The following GPC6 variants were observed in gnomAD, a reference collection of about 807,000 sequenced individuals.
GPC6 encodes glypican-6.
A neutral mutation model predicts 55.2 loss-of-function variants in GPC6; 14 were observed. That is an observed-to-expected ratio of 0.25 (90% CI 0.17 to 0.40). The LOEUF (loss-of-function observed/expected upper bound fraction) is 0.40. GPC6 is among the 10% of genes least tolerant of loss of function. The probability of loss-of-function intolerance (pLI) is 1.00; values close to 1 mark genes in which losing one functional copy is unlikely to be tolerated. For missense variants in GPC6, 641 were observed against 708.5 expected, an observed-to-expected ratio of 0.90 and a Z score of 1.08; for synonymous variants, 278 against 259.6, an observed-to-expected ratio of 1.07 and a Z score of -0.68.
intron 3 of GPC6, among the ~76,000 whole-genome samples, chr13:93,872,850 A>G (rs1318856267): frequency 1.3e-5 from 2 of 152,096 alleles, no homozygotes; most frequent in African/African-American, 4.8e-5. Context: ...TGTTTCCAGA[A>G]TGTCTTCTTA....
At chr13:93,280,579 G>T (rs981039607) in intron 1 of GPC6, among the ~76,000 whole-genome samples, 1 of 152,268 alleles carries the variant, frequency 6.6e-6, no homozygotes, top group African/African-American at 2.4e-5. Context: ...TTGAAGCATG[G>T]TGTTTTCACA....
In GPC6 at chr13:94,082,280, C is replaced by G. The variant is rs772678020; in HGVS notation, c.877+54386C>G. On this transcript the variant is annotated intron_variant, in intron 4 of 8. Transcript: ENST00000377047. The stretch of plus-strand genomic sequence containing the variant: ...CCAAGCCCTCTGTGTCTACTCAAAA[C>G]CACAATTAAGACTTCCTACCTGGGT... Among the ~76,000 whole-genome samples the G allele has an allele frequency of 4.6e-5, 7 of 152,146 alleles. No individual in the cohort carries two copies. In the South Asian group the frequency reaches 6.2e-4, roughly 14 times the overall value.
chr13:93,227,670 C>G lies in GPC6; in HGVS notation c.160+54C>G. On this transcript the variant is annotated intron_variant, in intron 1 of 8. Coordinates refer to ENST00000377047, the MANE Select transcript of GPC6 (RefSeq NM_005708.5). This position sits in a 1 kb window ranked among gnomAD's most constrained non-coding sequence, Gnocchi z 4.3. ...CTGCAGCCCTCGGCTGCCGCACGTC[C>G]CACTGGCCGCCCGGCGTCCCCTTCC... 1 of 1,418,018 alleles carries G rather than the reference C, an allele frequency of 7.1e-7. No homozygotes were observed. The highest frequency in any genetic ancestry group is 1.2e-5 in the South Asian group (1 of 83,162). 87.8% of individuals were successfully genotyped at this position (1,418,018 alleles called of 1,614,324 possible). A position where few individuals can be genotyped will look rare whatever the true frequency, so the allele number is the denominator to read the frequency against.
chr13:94,272,567 C>G (rs1566619946), intron 4 of GPC6, among the ~76,000 whole-genome samples: 1 of 146,118 alleles, frequency 6.8e-6, no homozygotes, highest in Non-Finnish European at 1.5e-5. Context: ...CTCCCAGGTT[C>G]ATGCCATTCT....
intron 3 of GPC6, among the ~76,000 whole-genome samples, chr13:93,874,012 C>T (rs1230740394): frequency 6.6e-6 from 1 of 151,940 alleles, no homozygotes; most frequent in Non-Finnish European, 1.5e-5. Context: ...CTCCCTGCAG[C>T]CTTTCTTACA....
At chr13:93,908,737 C>G (rs535818541) in intron 3 of GPC6, among the ~76,000 whole-genome samples, 1 of 152,128 alleles carries the variant, frequency 6.6e-6, no homozygotes, top group South Asian at 2.1e-4. Context: ...CTTTATTCCT[C>G]CATTTCTTTC....
At chr13:93,710,956 G>A (rs183410073) in intron 2 of GPC6, among the ~76,000 whole-genome samples, 70 of 151,816 alleles carry the variant, frequency 4.6e-4, no homozygotes, top group Non-Finnish European at 9.0e-4. Context: ...TTACTTATTA[G>A]AAGACTGAAA....
At chr13:94,122,842 C>A in intron 4 of GPC6, among the ~76,000 whole-genome samples, 1 of 152,072 alleles carries the variant, frequency 6.6e-6, no homozygotes, top group East Asian at 1.9e-4. Flanking sequence ...TACTTACTCA[C>A]TTTGTGTGTT....
intron 6 of GPC6, among the ~76,000 whole-genome samples, chr13:94,314,441 A>T (rs971880760): frequency 6.6e-6 from 1 of 152,242 alleles, no homozygotes; most frequent in Non-Finnish European, 1.5e-5. Flanking sequence ...GTTGTCAGTT[A>T]TGAACCAGTC....
intron 3 of GPC6, among the ~76,000 whole-genome samples, chr13:93,837,871 G>A (rs1166099146): frequency 6.6e-6 from 1 of 152,104 alleles, no homozygotes; most frequent in Non-Finnish European, 1.5e-5. Context: ...TTAGGCAGAG[G>A]CAGTAACAGA....
At chr13:93,760,512 G>A (rs1884921959) in intron 2 of GPC6, among the ~76,000 whole-genome samples, 1 of 152,130 alleles carries the variant, frequency 6.6e-6, no homozygotes, top group Admixed American at 6.6e-5. Context: ...AGCTCGGAGG[G>A]CATCCAGAGC....
chr13:93,907,577 G>T (rs1490520542), intron 3 of GPC6, among the ~76,000 whole-genome samples: 1 of 152,012 alleles, frequency 6.6e-6, no homozygotes, highest in Non-Finnish European at 1.5e-5. Context: ...ATAATACTTG[G>T]ATACTACTAA....
intron 2 of GPC6, among the ~76,000 whole-genome samples, chr13:93,600,949 C>CAAAAA (rs1196219049): frequency 1.1e-4 from 3 of 27,014 alleles, no homozygotes. Context: ...AATTCCGCCT[C>CAAAAA]AAAAAAAAAA....
intron 6 of GPC6, 82 bp downstream of exon 6, chr13:94,306,205 A>G: frequency 6.7e-7 from 1 of 1,483,200 alleles, no homozygotes; most frequent in Non-Finnish European, 9.4e-7. Flanking sequence ...AGATTCTGGA[A>G]AAGTTTGTTA....
At chr13:93,239,403 G>A (rs758755258) in intron 1 of GPC6, among the ~76,000 whole-genome samples, 22 of 151,574 alleles carry the variant, frequency 1.5e-4, no homozygotes, top group Admixed American at 3.3e-4. Context: ...CATGAAAATG[G>A]AGACATTACA....
intron 2 of GPC6, among the ~76,000 whole-genome samples, chr13:93,582,086 A>G (rs1876963392): frequency 2.6e-5 from 4 of 152,218 alleles, no homozygotes. Flanking sequence ...AAACTTAAAA[A>G]CTAAATTTTT....
At chr13:94,221,278 C>T (rs1179168840) in intron 4 of GPC6, among the ~76,000 whole-genome samples, 1 of 152,060 alleles carries the variant, frequency 6.6e-6, no homozygotes, top group Non-Finnish European at 1.5e-5. Context: ...AGATTGATTC[C>T]TGAATATTTT....
chr13:94,187,212 A>G (rs1011290407), intron 4 of GPC6: 4 of 152,208 alleles, frequency 2.6e-5, no homozygotes, highest in Non-Finnish European at 5.9e-5. Flanking sequence ...TTGGAGCAAA[A>G]TGAACACTTA....
intron 4 of GPC6, among the ~76,000 whole-genome samples, chr13:94,211,011 G>C (rs926351256): frequency 6.6e-6 from 1 of 152,084 alleles, no homozygotes; most frequent in African/African-American, 2.4e-5. Context: ...TGGGAGTGTT[G>C]GTCTACTGTA....
Sources: gnomAD v4.1 joint callset for allele counts (sites outside exome capture counted in the v4.1 genomes callset) on GRCh38, gnomAD v4.1.1 for gene constraint, Gnocchi (gnomAD v3.1) non-coding constraint, MANE v1.5 for transcripts, NCBI Gene and HGNC (gene_info 2026-07-23, HGNC 2026-07-21) for gene names.